Variants in RAB3GAP1 observed in about 807,000 individuals in gnomAD.
The protein encoded by RAB3GAP1 is RAB3 GTPase activating protein catalytic subunit 1.
Under a neutral mutation model 130.7 loss-of-function variants are expected in RAB3GAP1, and 86 were observed. The ratio of observed to expected loss-of-function variants is 0.66; its 90% confidence interval spans 0.55 to 0.79. The LOEUF (loss-of-function observed/expected upper bound fraction) is 0.79, where lower values mean the gene tolerates loss of function less well. Among genes scored for constraint, RAB3GAP1 ranks in the 30% least tolerant of loss-of-function variants. RAB3GAP1 has a pLI of 0.00. For missense variants in RAB3GAP1, 1,029 were observed against 1,169.4 expected (o/e 0.88, Z 1.75); for synonymous variants, 367 against 401.7 (o/e 0.91, Z 1.03).
intron 3 of RAB3GAP1, among the ~76,000 whole-genome samples, chr2:135,068,481 C>T (rs1020144875): frequency 6.6e-6 from 1 of 151,598 alleles, no homozygotes; most frequent in South Asian, 2.1e-4. Context: ...GGCTGGGCGC[C>T]GTGGCTCACG....
chr2:135,153,947 T>C, intron 19 of RAB3GAP1, 71 bp downstream of exon 19: 6 of 1,425,946 alleles, frequency 4.2e-6, no homozygotes, highest in South Asian at 2.4e-5. Flanking sequence ...CTCACTGTCA[T>C]AGACGTGAGA....
chr2:135,083,892 T>G (rs1689902810), intron 3 of RAB3GAP1, among the ~76,000 whole-genome samples: 1 of 151,968 alleles, frequency 6.6e-6, no homozygotes, highest in South Asian at 2.1e-4. Context: ...GATGTTTTTA[T>G]TGGCTGTTAG....
rs1558805679 is a variant in RAB3GAP1, at chr2:135,162,751, GTC to G, written c.2393_2394del (p.Leu798ArgfsTer7). 6.2e-7 allele frequency: 1 copy of G among 1,612,444 alleles called. No individual in the cohort carries two copies. Among genetic ancestry groups the G allele is most frequent in the Non-Finnish European group, 8.5e-7 (1 of 1,178,496 alleles). On this transcript the variant is annotated frameshift_variant, in exon 21 of 24. Coordinates refer to ENST00000264158, the MANE Select transcript of RAB3GAP1 (RefSeq NM_012233.3). LOFTEE classifies it high-confidence loss of function. Reference sequence around the variant, plus strand: ...GCTTCAATCTTTTCTAAAATAGAAAGTCTCGAAAACATTTCTTCAGTTAAGAA... The same window carrying G: ...GCTTCAATCTTTTCTAAAATAGAAAGTCGAAAACATTTCTTCAGTTAAGAA...
intron 8 of RAB3GAP1, among the ~76,000 whole-genome samples, chr2:135,121,938 C>G (rs922730569): frequency 5.3e-5 from 8 of 152,026 alleles, no homozygotes; most frequent in Admixed American, 6.5e-5. Flanking sequence ...ACTAAAAATA[C>G]AAAAATTAGC....
At chr2:135,117,552 T>A (rs868854878) in intron 7 of RAB3GAP1, among the ~76,000 whole-genome samples, 2 of 93,538 alleles carry the variant, frequency 2.1e-5, no homozygotes, top group Admixed American at 1.3e-4. Flanking sequence ...TGCTTCTTCT[T>A]CTTCTGCTTC....
At position 135,124,366 on chromosome 2, in the gene RAB3GAP1, TAAAG is replaced by T. The variant is rs564503927; in HGVS notation, c.830+126_830+129del. On this transcript the variant is annotated intron_variant, in intron 9 of 23. Transcript: ENST00000264158. ...GCTGGGATGAATGTAGTACTGGAAA[TAAAG>T]AAAGACGTACACCTGGGCTGGGCAC... is the stretch of plus-strand genomic sequence containing the variant. 252 of 1,075,608 alleles carry T rather than the reference TAAAG, an allele frequency of 2.3e-4. 1 individual carries two copies. The highest frequency in any genetic ancestry group is 3.3e-4 in the Non-Finnish European group (236 of 711,950). 66.6% of individuals were successfully genotyped at this position (1,075,608 alleles called of 1,614,324 possible).
chr2:135,138,858 CCT>C (rs1346036700), intron 17 of RAB3GAP1, among the ~76,000 whole-genome samples: 5 of 152,074 alleles, frequency 3.3e-5, no homozygotes, highest in African/African-American at 7.2e-5. Flanking sequence ...CTCAAGCAAT[CCT>C]CTGTTTCGGC....
intron 3 of RAB3GAP1, among the ~76,000 whole-genome samples, chr2:135,060,933 G>A (rs1420485642): frequency 1.3e-5 from 2 of 149,940 alleles, no homozygotes; most frequent in East Asian, 4.0e-4. Context: ...CCAATTCCTG[G>A]CCTAAAGCAA....
At chr2:135,164,260 A>G (rs908369456) in intron 22 of RAB3GAP1, among the ~76,000 whole-genome samples, 1 of 152,228 alleles carries the variant, frequency 6.6e-6, no homozygotes, top group Non-Finnish European at 1.5e-5. Context: ...CTTGGTTTAT[A>G]TTATACAATT....
intron 3 of RAB3GAP1, among the ~76,000 whole-genome samples, chr2:135,088,535 A>C (rs530437793): frequency 6.6e-6 from 1 of 151,812 alleles, no homozygotes; most frequent in Middle Eastern, 3.2e-3. Flanking sequence ...CTGAAAATTC[A>C]AAAATTAGCC....
chr2:135,167,379 C>CTTT (rs112223600), intron 23 of RAB3GAP1, among the ~76,000 whole-genome samples: 150 of 140,468 alleles, frequency 1.1e-3, no homozygotes, highest in African/African-American at 3.7e-3. Context: ...GCCATGAACA[C>CTTT]TTTTTTTTTT....
At chr2:135,112,285 G>A (rs1021547921) in intron 5 of RAB3GAP1, among the ~76,000 whole-genome samples, 2 of 152,186 alleles carry the variant, frequency 1.3e-5, no homozygotes, top group East Asian at 1.9e-4. Flanking sequence ...CCGCAACACC[G>A]TCCCAGGTCA....
chr2:135,086,513 G>T (rs1689987021), intron 3 of RAB3GAP1, among the ~76,000 whole-genome samples: 2 of 151,914 alleles, frequency 1.3e-5, no homozygotes, highest in African/African-American at 4.8e-5. Context: ...CTGTTTATTG[G>T]TCATTCATAG....
intron 3 of RAB3GAP1, among the ~76,000 whole-genome samples, chr2:135,060,972 G>C (rs1455656032): frequency 6.7e-6 from 1 of 149,290 alleles, no homozygotes; most frequent in African/African-American, 2.5e-5. Context: ...CCAAAGTGCT[G>C]GGATTACAAG....
rs1192051779 is a variant in RAB3GAP1 at position 135,150,462 on chromosome 2, C to T, written c.2017C>T (p.Arg673Cys). 14 of 1,613,998 alleles carry T rather than the reference C, an allele frequency of 8.7e-6. No homozygotes were observed. Among genetic ancestry groups the T allele is most frequent in the African/African-American group, 1.3e-5 (1 of 74,884 alleles). The change falls in exon 18 of 24, where the codon CGC becomes TGC. Residue 673 changes from arginine to cysteine, a missense_variant. Around this residue, in one of 3 missense-constraint regions of RAB3GAP1, gnomAD observed 373 missense variants for 493.6 expected, o/e 0.76. Transcript: ENST00000264158. ...GGCAGAGGGGGCTCACCTTCGAGCA[C>T]GCATGCAGAGTGCCTGTCTGCTCTC... ...TSAEGAHLRARMQSACLLSDM... is the reference protein window; with the variant it reads ...TSAEGAHLRACMQSACLLSDM...
chr2:135,071,361 A>C (rs968259127), intron 3 of RAB3GAP1, among the ~76,000 whole-genome samples: 3 of 152,186 alleles, frequency 2.0e-5, no homozygotes, highest in African/African-American at 7.2e-5. Context: ...AAAATATTTG[A>C]ATGGATGGTA....
chr2:135,109,338 G>A (rs1484452557), intron 5 of RAB3GAP1, among the ~76,000 whole-genome samples: 1 of 151,834 alleles, frequency 6.6e-6, no homozygotes, highest in Non-Finnish European at 1.5e-5. Flanking sequence ...TGTGTGTGTG[G>A]TGGTATTGGT....
intron 7 of RAB3GAP1, among the ~76,000 whole-genome samples, chr2:135,117,468 GCTTCTGCTTCTTCTGCTT>G (rs1436556711): frequency 3.3e-5 from 1 of 30,720 alleles, no homozygotes; most frequent in East Asian, 8.2e-4. Context: ...TTCTGCTTCT[GCTTCTGCTTCTTCTGCTT>G]CTTCTTCTGC....
At chr2:135,140,348 A>G (rs1691803165) in intron 17 of RAB3GAP1, among the ~76,000 whole-genome samples, 1 of 152,128 alleles carries the variant, frequency 6.6e-6, no homozygotes, top group African/African-American at 2.4e-5. Flanking sequence ...GAACTAGTTA[A>G]CCTTCTCACC....
Sources: gnomAD v4.1 joint callset for allele counts (sites outside exome capture counted in the v4.1 genomes callset) on GRCh38, gnomAD v4.1.1 for gene constraint, gnomAD v4.1.1 regional missense constraint, MANE v1.5 for transcripts, NCBI Gene and HGNC (gene_info 2026-07-23, HGNC 2026-07-21) for gene names.